The following ERC2 variants were observed in gnomAD, a reference collection of about 807,000 sequenced individuals.
ERC2 encodes ELKS/RAB6-interacting/CAST family member 2.
Under a neutral mutation model 114.8 loss-of-function variants are expected in ERC2, and 42 were observed. That is an observed-to-expected ratio of 0.37 (90% confidence interval 0.29 to 0.47). The LOEUF is 0.47. Among genes scored for constraint, ERC2 ranks in the 20% least tolerant of loss-of-function variants. The pLI is 0.99. For missense variants in ERC2, 939 were observed against 1,150.7 expected (o/e 0.82, Z 2.66); for synonymous variants, 454 against 425.5 (o/e 1.07, Z -0.82).
At chr3:56,017,886 C>T (rs1301400238) in intron 8 of ERC2, among the ~76,000 whole-genome samples, 2 of 152,128 alleles carry the variant, frequency 1.3e-5, no homozygotes, top group African/African-American at 2.4e-5. Flanking sequence ...CTCACTCCAC[C>T]AGTATCCAGT....
chr3:56,079,848 T>C (rs1308984465), intron 7 of ERC2, among the ~76,000 whole-genome samples: 1 of 152,062 alleles, frequency 6.6e-6, no homozygotes, highest in African/African-American at 2.4e-5. Flanking sequence ...GTAGGAAACA[T>C]GACAAGAAAA....
At chr3:56,316,076 C>T (rs1370777115) in intron 2 of ERC2, among the ~76,000 whole-genome samples, 5 of 151,806 alleles carry the variant, frequency 3.3e-5, no homozygotes, top group African/African-American at 1.2e-4. Context: ...GGCCACAGGC[C>T]TCTTGAACCC....
intron 3 of ERC2, among the ~76,000 whole-genome samples, chr3:56,284,369 G>T (rs548209307): frequency 1.3e-5 from 2 of 152,340 alleles, no homozygotes; most frequent in South Asian, 4.1e-4. Context: ...GTGGGACTCT[G>T]CCTGAGGCAA....
intron 3 of ERC2, among the ~76,000 whole-genome samples, chr3:56,273,852 C>T (rs935360804): frequency 3.9e-5 from 6 of 152,122 alleles, no homozygotes; most frequent in South Asian, 4.1e-4. Flanking sequence ...TTCTGACAAG[C>T]GTATAAAATA....
At chr3:55,545,025 A>G (rs1446813065) in intron 17 of ERC2, among the ~76,000 whole-genome samples, 1 of 152,234 alleles carries the variant, frequency 6.6e-6, no homozygotes, top group Middle Eastern at 3.4e-3. Flanking sequence ...TTCCACATCT[A>G]CTGAACTGCA....
chr3:55,935,749 A>G (rs1038935890), intron 13 of ERC2, among the ~76,000 whole-genome samples: 9 of 152,190 alleles, frequency 5.9e-5, no homozygotes, highest in Admixed American at 2.0e-4. Flanking sequence ...CAGGGTGGAA[A>G]TTAGGTTTCC....
At chr3:55,603,233 A>C (rs1310840453) in intron 17 of ERC2, among the ~76,000 whole-genome samples, 1 of 152,218 alleles carries the variant, frequency 6.6e-6, no homozygotes, top group Non-Finnish European at 1.5e-5. Flanking sequence ...TTATAAAATA[A>C]TAGCCTGTTA....
At chr3:55,807,555 T>C (rs957103387) in intron 14 of ERC2, among the ~76,000 whole-genome samples, 4 of 152,162 alleles carry the variant, frequency 2.6e-5, no homozygotes, top group African/African-American at 7.2e-5. Flanking sequence ...CAAAAGTATC[T>C]ACAGTATACA....
At chr3:56,145,480 T>C (rs766375500) in intron 5 of ERC2, among the ~76,000 whole-genome samples, 20 of 152,324 alleles carry the variant, frequency 1.3e-4, no homozygotes, top group Middle Eastern at 3.4e-3. Flanking sequence ...CTGAAAGTAA[T>C]TCATGCTTTC....
chr3:56,257,574 T>C (rs766930650), intron 3 of ERC2, among the ~76,000 whole-genome samples: 2 of 152,232 alleles, frequency 1.3e-5, no homozygotes, highest in Non-Finnish European at 1.5e-5. Context: ...CCATTTTCCA[T>C]GGCATCACGT....
chr3:56,226,674 C>T lies in ERC2; in HGVS notation c.1075-53154G>A, dbSNP rs527910223. Among the ~76,000 whole-genome samples the T allele has an allele frequency of 3.7e-3, 562 of 152,150 alleles. 3 individuals are homozygous for T. Among genetic ancestry groups the T allele is most frequent in the Non-Finnish European group, 5.3e-3 (359 of 67,988 alleles). On this transcript the variant is annotated intron_variant, in intron 3 of 17. Transcript: ENST00000288221. ...ACGGGAATGACAAATGGGTCTCCAC[C>T]CTACTCCCAGGCTACACTCTCAACT...
At chr3:56,028,754 T>C (rs781694082) in intron 7 of ERC2, among the ~76,000 whole-genome samples, 72 of 152,068 alleles carry the variant, frequency 4.7e-4, no homozygotes, top group Non-Finnish European at 1.2e-4. Flanking sequence ...CTTGGGATTT[T>C]CTATGTGGAC....
intron 17 of ERC2, among the ~76,000 whole-genome samples, chr3:55,577,637 G>A (rs1343304142): frequency 6.6e-6 from 1 of 152,136 alleles, no homozygotes; most frequent in African/African-American, 2.4e-5. Flanking sequence ...CATCCCCATA[G>A]TCACCAGATA....
At chr3:55,937,238 A>G (rs2066501178) in intron 13 of ERC2, among the ~76,000 whole-genome samples, 1 of 152,212 alleles carries the variant, frequency 6.6e-6, no homozygotes, top group Non-Finnish European at 1.5e-5. Flanking sequence ...AATCCCAGCT[A>G]CTTGGAAGTC....
intron 7 of ERC2, among the ~76,000 whole-genome samples, chr3:56,026,350 A>G (rs1213907631): frequency 2.0e-5 from 3 of 152,092 alleles, no homozygotes; most frequent in Non-Finnish European, 2.9e-5. Flanking sequence ...GCAACCAGCC[A>G]CCTTCCTCCA....
chr3:55,674,508 A>G (rs1184267615), intron 17 of ERC2, among the ~76,000 whole-genome samples: 1 of 152,200 alleles, frequency 6.6e-6, no homozygotes, highest in Non-Finnish European at 1.5e-5. Context: ...CATAAAAGTA[A>G]TACATGAGGA....
intron 14 of ERC2, among the ~76,000 whole-genome samples, chr3:55,761,218 T>A (rs954024523): frequency 6.6e-6 from 1 of 152,234 alleles, no homozygotes; most frequent in African/African-American, 2.4e-5. Context: ...CCCAGCAAAC[T>A]TTCTATAAAA....
chr3:55,925,699 T>G (rs377647819), intron 13 of ERC2, among the ~76,000 whole-genome samples: 228 of 152,162 alleles, frequency 1.5e-3, no homozygotes, highest in African/African-American at 5.2e-3. Context: ...AAGAAAAGAT[T>G]TAAAGACAAA....
chr3:56,228,104 G>A (rs572430429), intron 3 of ERC2, among the ~76,000 whole-genome samples: 1 of 152,266 alleles, frequency 6.6e-6, no homozygotes, highest in African/African-American at 2.4e-5. Context: ...CTGATGGGGA[G>A]GGGCATAGTG....
Sources: allele counts gnomAD v4.1 joint callset (sites outside exome capture counted in the v4.1 genomes callset), GRCh38; gene constraint gnomAD v4.1.1; transcripts MANE v1.5; gene names NCBI Gene and HGNC (gene_info 2026-07-23, HGNC 2026-07-21).